The following COL4A2 variants were observed in gnomAD, a reference collection of about 807,000 sequenced individuals.
The protein encoded by COL4A2 is collagen type IV alpha 2 chain.
In COL4A2, 99 loss-of-function variants were observed where a neutral mutation model predicts 200.2. The ratio of observed to expected loss-of-function variants is 0.49; its 90% CI spans 0.42 to 0.58. COL4A2 has a LOEUF of 0.58. Among genes scored for constraint, COL4A2 ranks in the 20% least tolerant of loss-of-function variants. COL4A2 has a pLI of 0.00. For missense variants in COL4A2, 1,950 were observed against 2,314.1 expected, an observed-to-expected ratio of 0.84 and a Z score of 3.23; for synonymous variants, 897 against 900.6, an observed-to-expected ratio of 1.00 and a Z score of 0.07.
chr13:110,352,036 T>G (rs893288816), intron 3 of COL4A2, among the ~76,000 whole-genome samples: 1 of 152,040 alleles, frequency 6.6e-6, no homozygotes, highest in Non-Finnish European at 1.5e-5. Context: ...CTGAAAGTCA[T>G]AGGAAGAATG....
intron 3 of COL4A2, among the ~76,000 whole-genome samples, chr13:110,343,613 G>A (rs1876562266): frequency 6.6e-6 from 1 of 152,228 alleles, no homozygotes. Context: ...AAGCCCCTGG[G>A]ACTTTGATGG....
intron 3 of COL4A2, among the ~76,000 whole-genome samples, chr13:110,327,624 A>T (rs1875689828): frequency 6.6e-6 from 1 of 152,184 alleles, no homozygotes; most frequent in Non-Finnish European, 1.5e-5. Context: ...GGGTTGGAAA[A>T]CAAAGAAATT....
chr13:110,453,646 G>A (rs1594224715), intron 20 of COL4A2, among the ~76,000 whole-genome samples: 1 of 152,188 alleles, frequency 6.6e-6, no homozygotes, highest in Non-Finnish European at 1.5e-5. Context: ...TAAATCCGTG[G>A]TTTACTAGCA....
At chr13:110,320,668 C>A (rs1406017008) in intron 3 of COL4A2, among the ~76,000 whole-genome samples, 4 of 148,488 alleles carry the variant, frequency 2.7e-5, no homozygotes, top group Non-Finnish European at 6.1e-5. Flanking sequence ...CTTTTTATAT[C>A]AAAACAGAGC....
chr13:110,470,565 C>T (rs1282812472), intron 28 of COL4A2, among the ~76,000 whole-genome samples: 4 of 152,184 alleles, frequency 2.6e-5, no homozygotes, highest in South Asian at 2.1e-4. Flanking sequence ...TTAATGACAT[C>T]GTTCCATGCC....
At chr13:110,319,615 G>A (rs1036210862) in intron 3 of COL4A2, among the ~76,000 whole-genome samples, 3 of 152,156 alleles carry the variant, frequency 2.0e-5, no homozygotes, top group Non-Finnish European at 4.4e-5. Flanking sequence ...AGGCCAAGAC[G>A]TGGGTTCCCT....
chr13:110,491,368 T>C, intron 37 of COL4A2, 28 bp downstream of exon 37: 1 of 1,466,170 alleles, frequency 6.8e-7, no homozygotes, highest in Non-Finnish European at 9.4e-7. Flanking sequence ...CACACAGCCT[T>C]CCTCAGGCAG....
Position 110,480,300 on chromosome 13 carries a change from G to A in COL4A2, c.2668G>A (p.Gly890Arg), listed in dbSNP as rs747703785. ...VGMKGLSGDR[G>R]DAGFTGEQGH... ...CATGAAAGGTCTCTCTGGTGACAGA[G>A]GAGATGCTGGCTTCACAGGGGAGCA... Residue 890 changes from glycine to arginine, a missense_variant, in exon 31 of 48, where the codon GGA (glycine) becomes AGA (arginine). Coordinates refer to ENST00000360467, the MANE Select transcript of COL4A2 (RefSeq NM_001846.4). 1 of 1,614,024 alleles carries A rather than the reference G, an allele frequency of 6.2e-7. No homozygotes were observed.
In COL4A2 at chr13:110,438,947, C is replaced by T. The variant is rs1402397237; in HGVS notation, c.912+279C>T. On this transcript the variant is annotated intron_variant, in intron 15 of 47. Transcript: ENST00000360467. ...GACGCGGCCCTCCCCGTGGAGGAGGCGCGAGTACCGCACAAAACCTTTCTG... is the reference window on the plus strand; with the variant it reads ...GACGCGGCCCTCCCCGTGGAGGAGGTGCGAGTACCGCACAAAACCTTTCTG... Among the ~76,000 whole-genome samples, 6 of 152,190 alleles carry T rather than the reference C, an allele frequency of 3.9e-5. No individual in the cohort carries two copies. The South Asian group carries it at 8.3e-4, about 21-fold the overall frequency.
intron 43 of COL4A2, 60 bp from the exon 44 acceptor site, chr13:110,503,787 C>T (rs1028237206): frequency 1.6e-5 from 25 of 1,596,090 alleles, no homozygotes; most frequent in Admixed American, 1.5e-4. Flanking sequence ...CAGTAGCACT[C>T]GGAGCAAGAG....
At chr13:110,484,781 C>T (rs1883053536) in intron 32 of COL4A2, 124 bp from the exon 33 acceptor site, 11 of 1,362,784 alleles carry the variant, frequency 8.1e-6, no homozygotes, top group Non-Finnish European at 1.1e-5. Context: ...CCCTTGGTCT[C>T]TCTCCAAGGC....
At chr13:110,380,022 C>G (rs551508441) in intron 4 of COL4A2, among the ~76,000 whole-genome samples, 45 of 152,302 alleles carry the variant, frequency 3.0e-4, no homozygotes, top group Admixed American at 9.1e-4. Flanking sequence ...CTTGCAATGG[C>G]CTGTGTTGCC....
chr13:110,469,076 G>A, intron 27 of COL4A2, 141 bp from the exon 28 acceptor site: 3 of 829,372 alleles, frequency 3.6e-6, no homozygotes, highest in South Asian at 1.8e-5. Context: ...AAGCCTGGAG[G>A]TGCTGTTTCA....
At chr13:110,364,965 G>T (rs909318068) in intron 4 of COL4A2, among the ~76,000 whole-genome samples, 1 of 152,196 alleles carries the variant, frequency 6.6e-6, no homozygotes, top group African/African-American at 2.4e-5. Flanking sequence ...GAAGATGACT[G>T]CTCTGTTTAC....
chr13:110,424,610 T>G, intron 4 of COL4A2, 124 bp from the exon 5 acceptor site: 1 of 575,904 alleles, frequency 1.7e-6, no homozygotes, highest in Non-Finnish European at 3.0e-6. Flanking sequence ...TTACATATAA[T>G]GTTCCCTGTA....
intron 3 of COL4A2, among the ~76,000 whole-genome samples, chr13:110,329,533 A>G (rs967593964): frequency 4.8e-4 from 73 of 152,336 alleles, no homozygotes; most frequent in African/African-American, 1.6e-3. Flanking sequence ...GCCAAGTTTC[A>G]TAGGTGTTAT....
At chr13:110,405,150 G>A (rs762722677) in intron 4 of COL4A2, among the ~76,000 whole-genome samples, 7 of 152,122 alleles carry the variant, frequency 4.6e-5, no homozygotes, top group Admixed American at 1.3e-4. Context: ...ATTTAAAAAC[G>A]TTAGGAAGAG....
chr13:110,309,727 C>T (rs56956968), intron 3 of COL4A2, among the ~76,000 whole-genome samples: 7 of 152,192 alleles, frequency 4.6e-5, no homozygotes, highest in African/African-American at 1.7e-4. Context: ...GCGGCTCACG[C>T]CTGTAATCTT....
chr13:110,439,915 G>C, intron 16 of COL4A2, 82 bp downstream of exon 16: 1 of 1,536,184 alleles, frequency 6.5e-7, no homozygotes, highest in Non-Finnish European at 8.7e-7. Flanking sequence ...TGGCATCTCA[G>C]GAAAGAAAAT....
Sources: gnomAD v4.1 joint callset for allele counts (sites outside exome capture counted in the v4.1 genomes callset) on GRCh38, gnomAD v4.1.1 for gene constraint, MANE v1.5 for transcripts, NCBI Gene and HGNC (gene_info 2026-07-23, HGNC 2026-07-21) for gene names.